The following KCNIP4 variants were observed in gnomAD, a reference collection of about 807,000 sequenced individuals.
The protein encoded by KCNIP4 is Kv channel-interacting protein 4.
A neutral mutation model predicts 34.0 loss-of-function variants in KCNIP4; 12 were observed. The observed-to-expected ratio is 0.35, with a 90% CI of 0.23 to 0.57. The LOEUF (loss-of-function observed/expected upper bound fraction) is 0.57, where lower values mean the gene tolerates loss of function less well. Ranked by LOEUF, KCNIP4 falls within the 20% of genes least tolerant of loss-of-function variation. KCNIP4 has a pLI of 0.83. For synonymous variants in KCNIP4, 124 were observed against 102.2 expected (o/e 1.21, Z -1.29); for missense variants, 238 against 311.7 (o/e 0.76, Z 1.78).
chr4:21,104,679 T>C (rs1335158119), intron 1 of KCNIP4, among the ~76,000 whole-genome samples: 1 of 151,862 alleles, frequency 6.6e-6, no homozygotes, highest in Non-Finnish European at 1.5e-5. Flanking sequence ...CATGTGTATG[T>C]CCTGAATATT....
At chr4:21,605,078 C>A (rs1743532509) in intron 1 of KCNIP4, among the ~76,000 whole-genome samples, 1 of 152,130 alleles carries the variant, frequency 6.6e-6, no homozygotes, top group African/African-American at 2.4e-5. Flanking sequence ...GGGCTGGTCA[C>A]TAAAATGCAA....
At chr4:20,949,193 GA>G (rs1316751487) in intron 1 of KCNIP4, among the ~76,000 whole-genome samples, 3 of 152,136 alleles carry the variant, frequency 2.0e-5, no homozygotes, top group Admixed American at 1.3e-4. Context: ...AGGCCACTTT[GA>G]AAAAAATCCT....
chr4:21,481,281 A>G (rs1731405105), intron 1 of KCNIP4, among the ~76,000 whole-genome samples: 1 of 152,200 alleles, frequency 6.6e-6, no homozygotes, highest in South Asian at 2.1e-4. Context: ...GGTCTATTTG[A>G]GCAGTGCTTT....
At chr4:21,504,328 C>G (rs1577478479) in intron 1 of KCNIP4, among the ~76,000 whole-genome samples, 1 of 151,668 alleles carries the variant, frequency 6.6e-6, no homozygotes, top group Non-Finnish European at 1.5e-5. Flanking sequence ...ATTAGCTGGG[C>G]ATGGTGGCGC....
In KCNIP4 at chr4:20,740,897, C is replaced by CA. The variant is rs532853776; in HGVS notation, c.430-6163dup. ...GAAGATCTACCAAGCAAATGGAAAA[C>CA]AAAAAAAAAGCAGGGGTTGCAATCC... On this transcript the variant is annotated intron_variant, in intron 5 of 8. Coordinates refer to ENST00000382152, the MANE Select transcript of KCNIP4 (RefSeq NM_025221.6). Among the ~76,000 whole-genome samples the CA allele has an allele frequency of 6.9e-3, 1,033 of 149,718 alleles. 10 individuals are homozygous for CA. The highest frequency in any genetic ancestry group is 0.014 in the African/African-American group (558 of 40,810).
Position 20,958,872 on chromosome 4 carries a change from C to T in KCNIP4, c.62-76163G>A, listed in dbSNP as rs146365154. Among the ~76,000 whole-genome samples the T allele has an allele frequency of 3.4e-3, 512 of 152,188 alleles. 2 individuals are homozygous for T. Among genetic ancestry groups the T allele is most frequent in the African/African-American group, 0.012 (490 of 41,522 alleles). On this transcript the variant is annotated intron_variant, in intron 1 of 8. Coordinates refer to ENST00000382152, the MANE Select transcript of KCNIP4 (RefSeq NM_025221.6). ...CCAGCAGTGGCAGACACCTTCTTAC[C>T]AAGAGAGTAAACTGATGGACATACA...
intron 1 of KCNIP4, among the ~76,000 whole-genome samples, chr4:21,667,114 C>T (rs1051994131): frequency 2.0e-5 from 3 of 152,124 alleles, no homozygotes; most frequent in Non-Finnish European, 4.4e-5. Flanking sequence ...AGGAAAGAGA[C>T]GAAGCCAACT....
chr4:20,877,273 A>C (rs906471035), intron 2 of KCNIP4, among the ~76,000 whole-genome samples: 2 of 152,170 alleles, frequency 1.3e-5, no homozygotes, highest in African/African-American at 4.8e-5. Flanking sequence ...GTAACCATCA[A>C]CCTAGAAATC....
At chr4:21,371,904 A>G (rs1720484522) in intron 1 of KCNIP4, among the ~76,000 whole-genome samples, 1 of 147,186 alleles carries the variant, frequency 6.8e-6, no homozygotes, top group Non-Finnish European at 1.5e-5. Context: ...ACAGTTAAGC[A>G]GTTGAGCTGT....
chr4:21,568,134 T>C (rs1246372697), intron 1 of KCNIP4, among the ~76,000 whole-genome samples: 1 of 152,132 alleles, frequency 6.6e-6, no homozygotes, highest in African/African-American at 2.4e-5. Flanking sequence ...CGTATTATAA[T>C]ATGGTAGACT....
chr4:21,424,605 A>AAG (rs1725782442), intron 1 of KCNIP4, among the ~76,000 whole-genome samples: 1 of 151,626 alleles, frequency 6.6e-6, no homozygotes, highest in East Asian at 1.9e-4. Flanking sequence ...GAAAGAGAGA[A>AAG]AAAGAAAGAA....
intron 1 of KCNIP4, among the ~76,000 whole-genome samples, chr4:21,231,098 G>A (rs778983239): frequency 1.4e-4 from 21 of 152,242 alleles, no homozygotes; most frequent in Non-Finnish European, 2.8e-4. Context: ...GATAATGCAT[G>A]TACATCCTCA....
intron 1 of KCNIP4, among the ~76,000 whole-genome samples, chr4:20,925,063 C>G (rs1729765004): frequency 6.6e-6 from 1 of 152,118 alleles, no homozygotes; most frequent in Non-Finnish European, 1.5e-5. Flanking sequence ...TGAAAATGGT[C>G]TGAATCACTA....
At chr4:21,253,355 C>G (rs1760849868) in intron 1 of KCNIP4, among the ~76,000 whole-genome samples, 2 of 152,126 alleles carry the variant, frequency 1.3e-5, no homozygotes, top group African/African-American at 4.8e-5. Flanking sequence ...AGAAAGTAAT[C>G]TTCTGGAGAA....
intron 1 of KCNIP4, among the ~76,000 whole-genome samples, chr4:21,388,518 T>C (rs1722248695): frequency 1.3e-5 from 2 of 152,154 alleles, no homozygotes; most frequent in Admixed American, 6.5e-5. Context: ...ATAATCAACA[T>C]ATCATATAAT....
At chr4:21,457,101 C>T (rs1345711278) in intron 1 of KCNIP4, among the ~76,000 whole-genome samples, 1 of 152,020 alleles carries the variant, frequency 6.6e-6, no homozygotes, top group Admixed American at 6.6e-5. Flanking sequence ...ACTCTCCTTC[C>T]ATTTTACTGT....
chr4:21,196,589 C>T (rs550651955), intron 1 of KCNIP4, among the ~76,000 whole-genome samples: 4 of 152,248 alleles, frequency 2.6e-5, no homozygotes, highest in East Asian at 1.9e-4. Flanking sequence ...CACAGAGCTC[C>T]GTGCCTAGAA....
At chr4:21,627,558 T>A (rs1185840332) in intron 1 of KCNIP4, among the ~76,000 whole-genome samples, 2 of 152,168 alleles carry the variant, frequency 1.3e-5, no homozygotes, top group African/African-American at 2.4e-5. Context: ...ACTTTTGAAA[T>A]TATTTCTGTA....
chr4:21,513,540 T>C (rs750594027), intron 1 of KCNIP4, among the ~76,000 whole-genome samples: 4 of 152,216 alleles, frequency 2.6e-5, no homozygotes, highest in Non-Finnish European at 5.9e-5. Context: ...GATCTGCCTC[T>C]TACTATCTGC....
Sources: gnomAD v4.1 joint callset for allele counts (sites outside exome capture counted in the v4.1 genomes callset) on GRCh38, gnomAD v4.1.1 for gene constraint, MANE v1.5 for transcripts, NCBI Gene and HGNC (gene_info 2026-07-23, HGNC 2026-07-21) for gene names.